The following IRAK1BP1 variants were observed in gnomAD, a reference collection of about 807,000 sequenced individuals.
The protein encoded by IRAK1BP1 is interleukin-1 receptor-associated kinase 1-binding protein 1.
In IRAK1BP1, 24 loss-of-function variants were observed where a neutral mutation model predicts 28.0. The ratio of observed to expected loss-of-function variants is 0.86; its 90% confidence interval spans 0.62 to 1.20. The LOEUF (loss-of-function observed/expected upper bound fraction) is 1.20, where lower values mean the gene tolerates loss of function less well. Ranked by LOEUF, IRAK1BP1 falls within the 50% of genes most tolerant of loss-of-function variation. The pLI is 0.00. For missense variants in IRAK1BP1, 336 were observed against 316.7 expected (o/e 1.06, Z -0.46); for synonymous variants, 131 against 116.3 (o/e 1.13, Z -0.81).
the IRAK1BP1 span, among the ~76,000 whole-genome samples, chr6:78,960,030 G>GACTGGGAGCT: frequency 6.6e-6 from 1 of 152,120 alleles, no homozygotes; most frequent in Non-Finnish European, 1.5e-5. Context: ...TCACGTGGCT[G>GACTGGGAGCT]ACTGGGAGCT....
intron 1 of IRAK1BP1, chr6:78,871,576 C>T (rs1055203998): frequency 1.0e-6 from 1 of 974,540 alleles, no homozygotes; most frequent in Non-Finnish European, 1.2e-6. Flanking sequence ...TTTGTTTCCC[C>T]CCAAAATTTA....
At chr6:78,970,774 G>C in the IRAK1BP1 span, 1 of 1,538,296 alleles carries the variant, frequency 6.5e-7, no homozygotes, top group Middle Eastern at 1.9e-4. Flanking sequence ...ATAAATCAAT[G>C]TCATACCCGT....
chr6:78,925,453 CATT>C (rs1217477744), intron 4 of IRAK1BP1, among the ~76,000 whole-genome samples: 6 of 152,118 alleles, frequency 3.9e-5, no homozygotes, highest in African/African-American at 1.4e-4. Context: ...CATCACCAAT[CATT>C]AGAGGAATGC....
chr6:78,908,024 TTTTTA>T (rs953706057), downstream of IRAK1BP1, among the ~76,000 whole-genome samples: 19 of 148,578 alleles, frequency 1.3e-4, no homozygotes, highest in Admixed American at 1.0e-3. Context: ...GGCCTTTTAT[TTTTTA>T]TTTTATTTAT....
intron 2 of IRAK1BP1, among the ~76,000 whole-genome samples, chr6:78,893,314 G>GTATGTATATA (rs1771742250): frequency 2.9e-5 from 3 of 103,432 alleles, no homozygotes; most frequent in Non-Finnish European, 3.9e-5. Context: ...GTGTGTGTGT[G>GTATGTATATA]TATATATATA....
chr6:78,948,021 G>A (rs1270578180), downstream of IRAK1BP1, among the ~76,000 whole-genome samples: 2 of 151,660 alleles, frequency 1.3e-5, no homozygotes, highest in African/African-American at 4.8e-5. Context: ...ATTTTTCACT[G>A]GAGACTTGGG....
chr6:78,878,597 A>G (rs1464733462), intron 1 of IRAK1BP1, among the ~76,000 whole-genome samples: 1 of 152,250 alleles, frequency 6.6e-6, no homozygotes, highest in Non-Finnish European at 1.5e-5. Flanking sequence ...TTTCTCCTCC[A>G]AAGGAATGCA....
chr6:78,925,375 A>G (rs935833318), intron 4 of IRAK1BP1, among the ~76,000 whole-genome samples: 2 of 152,178 alleles, frequency 1.3e-5, no homozygotes, highest in Non-Finnish European at 2.9e-5. Flanking sequence ...AAATGACAAA[A>G]GACATGAACG....
the IRAK1BP1 span, among the ~76,000 whole-genome samples, chr6:78,974,139 C>T: frequency 6.6e-6 from 1 of 151,950 alleles, no homozygotes; most frequent in Non-Finnish European, 1.5e-5. Flanking sequence ...AAGCTCTCCT[C>T]AGCAAATGTA....
chr6:78,978,803 A>G, the IRAK1BP1 span: 1 of 1,032,206 alleles, frequency 9.7e-7, no homozygotes, highest in Non-Finnish European at 1.4e-6. Flanking sequence ...AGATAATTAA[A>G]TAAAAGGGGA....
At chr6:78,881,590 T>G (rs1239934069) in intron 1 of IRAK1BP1, among the ~76,000 whole-genome samples, 2 of 152,218 alleles carry the variant, frequency 1.3e-5, no homozygotes, top group Non-Finnish European at 2.9e-5. Context: ...TCTTGACAAA[T>G]GAACCCAGTT....
intron 1 of IRAK1BP1, among the ~76,000 whole-genome samples, chr6:78,877,712 G>A (rs1050577855): frequency 1.3e-5 from 2 of 152,232 alleles, no homozygotes; most frequent in African/African-American, 2.4e-5. Flanking sequence ...CCCGGGAAGT[G>A]CAAGGGGTCG....
chr6:78,963,015 AT>A, the IRAK1BP1 span: 1 of 1,347,942 alleles, frequency 7.4e-7, no homozygotes, highest in Non-Finnish European at 1.0e-6. Context: ...GTGAAAAAAA[AT>A]TTTTGTTGGA....
intron 2 of IRAK1BP1, among the ~76,000 whole-genome samples, chr6:78,892,752 A>G (rs1771708654): frequency 6.6e-6 from 1 of 152,204 alleles, no homozygotes; most frequent in African/African-American, 2.4e-5. Flanking sequence ...TTGAATTTCC[A>G]AAGATGAAAA....
At chr6:78,965,690 A>AAC in the IRAK1BP1 span, 1 of 1,461,150 alleles carries the variant, frequency 6.8e-7, no homozygotes, top group Non-Finnish European at 9.5e-7. Flanking sequence ...CAAAAAGCCT[A>AAC]ACACACACTT....
chr6:78,960,271 T>C, the IRAK1BP1 span, among the ~76,000 whole-genome samples: 9 of 152,154 alleles, frequency 5.9e-5, no homozygotes, highest in Non-Finnish European at 1.3e-4. Flanking sequence ...TACAACAATA[T>C]TGGAAGACAT....
At chr6:78,951,157 C>A (rs1774119357), downstream of IRAK1BP1, among the ~76,000 whole-genome samples, 1 of 152,020 alleles carries the variant, frequency 6.6e-6, no homozygotes, top group African/African-American at 2.4e-5. Context: ...ACATTATTGG[C>A]TTTACAAACT....
chr6:78,927,232 A>T (rs1772914138), intron 4 of IRAK1BP1, among the ~76,000 whole-genome samples: 1 of 152,062 alleles, frequency 6.6e-6, no homozygotes, highest in Admixed American at 6.6e-5. Flanking sequence ...TTTTGGATAA[A>T]AGCCATTTTA....
chr6:78,894,256 C>G (rs997154303), intron 2 of IRAK1BP1, among the ~76,000 whole-genome samples: 1 of 152,128 alleles, frequency 6.6e-6, no homozygotes. Flanking sequence ...TCAATAATCA[C>G]GTTAAATGTA....
Sources: gnomAD v4.1 joint callset for allele counts (sites outside exome capture counted in the v4.1 genomes callset) on GRCh38, gnomAD v4.1.1 for gene constraint, MANE v1.5 for transcripts, NCBI Gene and HGNC (gene_info 2026-07-23, HGNC 2026-07-21) for gene names.